The following RABGAP1L variants were observed in gnomAD, a reference collection of about 807,000 sequenced individuals.
RABGAP1L encodes rab GTPase-activating protein 1-like.
In RABGAP1L, 63 loss-of-function variants were observed where a neutral mutation model predicts 137.7. The ratio of observed to expected loss-of-function variants is 0.46; its 90% CI spans 0.37 to 0.56. The LOEUF is 0.56. RABGAP1L is among the 20% of genes least tolerant of loss of function. RABGAP1L has a pLI of 0.00. For missense variants in RABGAP1L, 1,095 were observed against 1,244.0 expected, an observed-to-expected ratio of 0.88 and a Z score of 1.80; for synonymous variants, 431 against 433.7, an observed-to-expected ratio of 0.99 and a Z score of 0.08.
At chr1:174,905,560 C>T (rs1212834616) in intron 19 of RABGAP1L, among the ~76,000 whole-genome samples, 3 of 152,038 alleles carry the variant, frequency 2.0e-5, no homozygotes, top group African/African-American at 7.2e-5. Context: ...TCTGAAAATA[C>T]ACAGAGAAGT....
At chr1:174,411,168 A>T (rs577511763) in intron 13 of RABGAP1L, among the ~76,000 whole-genome samples, 2 of 152,256 alleles carry the variant, frequency 1.3e-5, no homozygotes, top group East Asian at 3.9e-4. Context: ...CTAGTATAGG[A>T]TCACATCATC....
At chr1:174,936,467 G>A (rs1037641370) in intron 19 of RABGAP1L, among the ~76,000 whole-genome samples, 5 of 152,022 alleles carry the variant, frequency 3.3e-5, no homozygotes, top group Non-Finnish European at 7.4e-5. Context: ...GCTTGGTATG[G>A]TGGCACATGT....
At chr1:174,786,496 C>T (rs1307270939) in intron 18 of RABGAP1L, among the ~76,000 whole-genome samples, 1 of 152,182 alleles carries the variant, frequency 6.6e-6, no homozygotes, top group Admixed American at 6.5e-5. Flanking sequence ...TTGTGTCCAT[C>T]CTGTAAAGCA....
intron 13 of RABGAP1L, among the ~76,000 whole-genome samples, chr1:174,600,421 A>T (rs941789193): frequency 7.2e-5 from 11 of 152,198 alleles, no homozygotes; most frequent in African/African-American, 2.7e-4. Flanking sequence ...CCAAAAGTCC[A>T]CAGTCCAAAG....
At chr1:174,320,614 T>A (rs1679872194) in intron 11 of RABGAP1L, among the ~76,000 whole-genome samples, 1 of 152,198 alleles carries the variant, frequency 6.6e-6, no homozygotes, top group East Asian at 1.9e-4. Flanking sequence ...ATACATTAGT[T>A]CCCCAAATTA....
chr1:174,813,613 T>C (rs1362381528), intron 19 of RABGAP1L, among the ~76,000 whole-genome samples: 1 of 152,270 alleles, frequency 6.6e-6, no homozygotes, highest in Non-Finnish European at 1.5e-5. Context: ...GAGCTTTATA[T>C]TCAAAGAGAT....
chr1:174,303,408 A>G (rs1246919589), intron 10 of RABGAP1L, among the ~76,000 whole-genome samples: 1 of 152,164 alleles, frequency 6.6e-6, no homozygotes, highest in Non-Finnish European at 1.5e-5. Context: ...GAGAATTTAT[A>G]GAGATATCAG....
chr1:174,805,618 C>T (rs1319022933), intron 18 of RABGAP1L, among the ~76,000 whole-genome samples: 1 of 152,192 alleles, frequency 6.6e-6, no homozygotes, highest in African/African-American at 2.4e-5. Context: ...TCTCCTGCCT[C>T]AGCCTCCCAA....
At chr1:174,888,402 A>G (rs1240625030) in intron 19 of RABGAP1L, among the ~76,000 whole-genome samples, 2 of 152,198 alleles carry the variant, frequency 1.3e-5, no homozygotes, top group South Asian at 2.1e-4. Flanking sequence ...AAAGATTTTT[A>G]CAAGTCTTTT....
Position 174,579,739 on chromosome 1 carries a change from G to A in RABGAP1L, c.1711-57636G>A, listed in dbSNP as rs550890815. ...TGTGATGCTCTTCGAAGAACACAAA[G>A]GGGTAAATCTTCATGACTTTGGATT... On this transcript the variant is annotated intron_variant, in intron 13 of 25. Transcript: ENST00000681986. 2.6e-5 allele frequency among the ~76,000 whole-genome samples: 4 copies of A among 152,306 alleles called. No homozygotes were observed. In the East Asian group the frequency reaches 7.7e-4, roughly 29 times the overall value.
intron 19 of RABGAP1L, among the ~76,000 whole-genome samples, chr1:174,886,355 A>C (rs1210487509): frequency 2.6e-5 from 4 of 152,200 alleles, no homozygotes; most frequent in Admixed American, 6.5e-5. Flanking sequence ...GCGCAAGCTG[A>C]ACGTGTAATC....
intron 13 of RABGAP1L, among the ~76,000 whole-genome samples, chr1:174,497,198 A>G (rs765934486): frequency 1.3e-5 from 2 of 152,204 alleles, no homozygotes; most frequent in Non-Finnish European, 2.9e-5. Context: ...GCCTGTAGCT[A>G]TCTTTACTGA....
intron 19 of RABGAP1L, among the ~76,000 whole-genome samples, chr1:174,895,688 C>T (rs956764401): frequency 2.0e-5 from 3 of 151,678 alleles, no homozygotes; most frequent in Non-Finnish European, 2.9e-5. Context: ...TGAGAACATG[C>T]GGTGTTTGGT....
intron 13 of RABGAP1L, chr1:174,548,591 C>A (rs1204612578): frequency 3.1e-6 from 3 of 969,462 alleles, no homozygotes; most frequent in Non-Finnish European, 3.7e-6. Context: ...TTTTTCATAC[C>A]CACAGAAATT....
intron 17 of RABGAP1L, 117 bp downstream of exon 17, chr1:174,702,373 C>A: frequency 1.3e-6 from 1 of 753,678 alleles, no homozygotes; most frequent in Non-Finnish European, 2.0e-6. Flanking sequence ...TACTCACTGA[C>A]CAAAAAGCTG....
intron 18 of RABGAP1L, among the ~76,000 whole-genome samples, chr1:174,782,311 T>G (rs1687078648): frequency 6.6e-6 from 1 of 152,204 alleles, no homozygotes; most frequent in African/African-American, 2.4e-5. Flanking sequence ...CCTAGGTATT[T>G]TATTCTCTTT....
At chr1:174,254,108 T>A (rs1266726532) in intron 7 of RABGAP1L, among the ~76,000 whole-genome samples, 1 of 152,042 alleles carries the variant, frequency 6.6e-6, no homozygotes, top group Non-Finnish European at 1.5e-5. Context: ...TTTTTTTTTT[T>A]AGAAGGTAGG....
intron 12 of RABGAP1L, 124 bp from the exon 13 acceptor site, chr1:174,393,871 C>A (rs1320820892): frequency 2.0e-6 from 2 of 1,005,878 alleles, no homozygotes; most frequent in African/African-American, 1.6e-5. Context: ...TTTAATGCCC[C>A]CCCACAAACT....
At chr1:174,231,606 T>C (rs1450832819) in intron 4 of RABGAP1L, among the ~76,000 whole-genome samples, 1 of 152,182 alleles carries the variant, frequency 6.6e-6, no homozygotes, top group Non-Finnish European at 1.5e-5. Flanking sequence ...TTTAACTGGC[T>C]CTTGGTTCTG....
Sources: allele counts gnomAD v4.1 joint callset (sites outside exome capture counted in the v4.1 genomes callset), GRCh38; gene constraint gnomAD v4.1.1; transcripts MANE v1.5; gene names NCBI Gene and HGNC (gene_info 2026-07-23, HGNC 2026-07-21).